The following RIGI variants were observed in gnomAD, a reference collection of about 807,000 sequenced individuals.
RIGI encodes antiviral innate immune response receptor RIG-I.
chr9:32,464,581 G>C, the RIGI span, among the ~76,000 whole-genome samples: 1 of 152,062 alleles, frequency 6.6e-6, no homozygotes, highest in Non-Finnish European at 1.5e-5. Context: ...AGTAGAGACG[G>C]GGTTTCACCG....
At chr9:32,519,455 T>C in the RIGI span, among the ~76,000 whole-genome samples, 1 of 152,190 alleles carries the variant, frequency 6.6e-6, no homozygotes, top group Non-Finnish European at 1.5e-5. Flanking sequence ...TCTAATGAAC[T>C]AGAGAGCTAT....
chr9:32,477,158 G>A, the RIGI span: 2 of 1,609,272 alleles, frequency 1.2e-6, no homozygotes, highest in Non-Finnish European at 1.7e-6. Context: ...TTTTATAAAT[G>A]GCTTATAAAT....
chr9:32,512,085 C>T, the RIGI span, among the ~76,000 whole-genome samples: 3 of 151,926 alleles, frequency 2.0e-5, no homozygotes, highest in Non-Finnish European at 4.4e-5. Context: ...AATGGCCTAC[C>T]AACCAAAAAA....
At chr9:32,507,462 A>G in the RIGI span, among the ~76,000 whole-genome samples, 3 of 152,090 alleles carry the variant, frequency 2.0e-5, no homozygotes, top group Non-Finnish European at 4.4e-5. Context: ...TATAATTCCC[A>G]TATTTCTTGA....
the RIGI span, chr9:32,498,357 A>C: frequency 2.2e-6 from 1 of 456,484 alleles, no homozygotes; most frequent in Admixed American, 2.4e-5. Flanking sequence ...CCTGTAGCTT[A>C]CTGAATATTT....
At chr9:32,460,235 A>G in the RIGI span, among the ~76,000 whole-genome samples, 1 of 151,236 alleles carries the variant, frequency 6.6e-6, no homozygotes, top group Admixed American at 6.6e-5. Context: ...GTCCAATTAA[A>G]CCTCTTTGTT....
At chr9:32,461,992 A>G in the RIGI span, among the ~76,000 whole-genome samples, 4 of 152,118 alleles carry the variant, frequency 2.6e-5, no homozygotes, top group South Asian at 6.2e-4. Context: ...TTTTATCTTA[A>G]TATCTCCCAG....
the RIGI span, among the ~76,000 whole-genome samples, chr9:32,508,946 T>C: frequency 0.016 from 2,426 of 152,132 alleles, 83 homozygotes; most frequent in African/African-American, 0.056. Context: ...GAGGCTTGAG[T>C]AGGCCCTATT....
chr9:32,464,446 G>A, the RIGI span, among the ~76,000 whole-genome samples: 4 of 152,102 alleles, frequency 2.6e-5, no homozygotes, highest in Non-Finnish European at 5.9e-5. Context: ...CTGGAGTGCA[G>A]TGGCGCGATC....
At chr9:32,485,013 G>T in the RIGI span, among the ~76,000 whole-genome samples, 1 of 152,306 alleles carries the variant, frequency 6.6e-6, no homozygotes. Flanking sequence ...AGAAAGAATA[G>T]AGGAGGACAT....
chr9:32,518,841 C>T, the RIGI span, among the ~76,000 whole-genome samples: 1 of 152,178 alleles, frequency 6.6e-6, no homozygotes, highest in Non-Finnish European at 1.5e-5. Context: ...TCCAGAGTAG[C>T]TGGGATTATA....
chr9:32,492,269 G>T, the RIGI span: 1 of 1,058,098 alleles, frequency 9.5e-7, no homozygotes, highest in Non-Finnish European at 1.4e-6. Context: ...GCTTCCTGCT[G>T]GTCTCGCGTT....
At chr9:32,523,719 T>C in the RIGI span, among the ~76,000 whole-genome samples, 19 of 152,074 alleles carry the variant, frequency 1.2e-4, no homozygotes, top group African/African-American at 4.6e-4. Context: ...CCATTCTCTC[T>C]CTCCCTGTCT....
chr9:32,477,352 C>CT, the RIGI span, among the ~76,000 whole-genome samples: 1 of 152,126 alleles, frequency 6.6e-6, no homozygotes, highest in African/African-American at 2.4e-5. Flanking sequence ...AATTCTACAT[C>CT]TAAGAATTTG....
At chr9:32,457,473 A>G in the RIGI span, 1 of 1,340,484 alleles carries the variant, frequency 7.5e-7, no homozygotes, top group Non-Finnish European at 1.0e-6. Context: ...ACCAGTACAT[A>G]ATTGTGATTT....
chr9:32,507,054 T>G, the RIGI span, among the ~76,000 whole-genome samples: 1 of 152,224 alleles, frequency 6.6e-6, no homozygotes, highest in Admixed American at 6.5e-5. Context: ...TGTGAAAATT[T>G]TTTTAAACCT....
chr9:32,485,254 A>T, the RIGI span: 2 of 1,603,294 alleles, frequency 1.2e-6, no homozygotes, highest in South Asian at 2.3e-5. Context: ...ATTTGTCGCT[A>T]ATCCGTGATT....
the RIGI span, among the ~76,000 whole-genome samples, chr9:32,508,626 G>A: frequency 7.2e-5 from 11 of 152,064 alleles, no homozygotes; most frequent in Non-Finnish European, 7.4e-5. Flanking sequence ...GATTCCCTCC[G>A]GTGCCTATGC....
chr9:32,487,524 G>A, the RIGI span: 2 of 1,614,178 alleles, frequency 1.2e-6, no homozygotes, highest in Admixed American at 1.7e-5. Context: ...GTGTTTGACT[G>A]TTGCTATCAC....
Sources: gnomAD v4.1 joint callset for allele counts (sites outside exome capture counted in the v4.1 genomes callset) on GRCh38, gnomAD v4.1.1 for gene constraint, MANE v1.5 for transcripts, NCBI Gene and HGNC (gene_info 2026-07-23, HGNC 2026-07-21) for gene names.